The following ASCC1 variants were observed in gnomAD, a reference collection of about 807,000 sequenced individuals.
ASCC1 encodes ASC-1 complex subunit P50.
A neutral mutation model predicts 46.6 loss-of-function variants in ASCC1; 35 were observed. The ratio of observed to expected loss-of-function variants is 0.75; its 90% CI spans 0.57 to 0.99. The LOEUF (loss-of-function observed/expected upper bound fraction) is 0.99, where lower values mean the gene tolerates loss of function less well. ASCC1 is among the 50% of genes least tolerant of loss of function. ASCC1 has a pLI of 0.00. For synonymous variants in ASCC1, 143 were observed against 146.6 expected (o/e 0.98, Z 0.18); for missense variants, 376 against 428.7 (o/e 0.88, Z 1.09).
At chr10:72,117,511 T>C (rs1843632844) in intron 9 of ASCC1, among the ~76,000 whole-genome samples, 1 of 152,236 alleles carries the variant, frequency 6.6e-6, no homozygotes, top group African/African-American at 2.4e-5. Context: ...CCCCTCATAT[T>C]TTCTCTTTGC....
intron 8 of ASCC1, among the ~76,000 whole-genome samples, chr10:72,132,497 A>G (rs1262146414): frequency 6.6e-6 from 1 of 152,248 alleles, no homozygotes; most frequent in East Asian, 1.9e-4. Flanking sequence ...CCTCTGTGCT[A>G]CGACATTTTG....
chr10:72,112,060 A>G (rs1842978036), intron 9 of ASCC1, among the ~76,000 whole-genome samples: 1 of 152,192 alleles, frequency 6.6e-6, no homozygotes, highest in Non-Finnish European at 1.5e-5. Context: ...GCCATTGTTG[A>G]TACAAAGCCC....
intron 4 of ASCC1, among the ~76,000 whole-genome samples, chr10:72,201,556 A>T (rs1240548347): frequency 1.3e-5 from 2 of 151,726 alleles, no homozygotes; most frequent in Non-Finnish European, 2.9e-5. Context: ...CATGGTGCTA[A>T]GCGCCTGTAG....
intron 7 of ASCC1, among the ~76,000 whole-genome samples, chr10:72,135,081 T>C (rs1846030175): frequency 6.6e-6 from 1 of 152,096 alleles, no homozygotes; most frequent in Non-Finnish European, 1.5e-5. Context: ...TGTGTGTGTT[T>C]TCAATGAGGA....
Position 72,194,872 on chromosome 10 carries a change from A to G in ASCC1, c.489+1939T>C, listed in dbSNP as rs139971656. On this transcript the variant is annotated intron_variant, in intron 5 of 9. Transcript: ENST00000672957. ...ATTCTCCTGCCTCAGCCTCTCAAGT[A>G]GCTAGGATTACAGATATGCGCCACC... 1.0e-3 allele frequency among the ~76,000 whole-genome samples: 157 copies of G among 152,148 alleles called. 3 individuals are homozygous for G. Among genetic ancestry groups the G allele is most frequent in the African/African-American group, 3.2e-3 (131 of 41,514 alleles).
At chr10:72,174,929 T>C (rs1037908088) in intron 5 of ASCC1, among the ~76,000 whole-genome samples, 2 of 152,228 alleles carry the variant, frequency 1.3e-5, no homozygotes, top group Admixed American at 6.5e-5. Flanking sequence ...AAATAGATTA[T>C]GTGTGAGGGA....
rs1202582615 is a variant in ASCC1 at position 72,210,738 on chromosome 10, A to T, written c.206T>A (p.Leu69His). 4 of 1,613,934 alleles carry T rather than the reference A, an allele frequency of 2.5e-6. No homozygotes were observed. The African/African-American group carries it at 5.3e-5, about 22-fold the overall frequency. Residue 69 changes from leucine (L) to histidine (H), a missense_variant, in exon 3 of 10, where the codon CTC becomes CAC. Coordinates refer to ENST00000672957, the MANE Select transcript of ASCC1 (RefSeq NM_001198800.3). ...TGTTGGGGACATGACTCACTTATAG[A>T]GCAAGCTGGGGGCCCTCAAAGTAGA... The part of the protein sequence containing the change: ...FRSTLRAPSL[L>H]YKHIVGKRGD...
Position 72,168,052 on chromosome 10 carries a change from G to A in ASCC1, c.490-6378C>T, listed in dbSNP as rs184728737. Among the ~76,000 whole-genome samples the A allele has an allele frequency of 4.7e-4, 72 of 152,258 alleles. No individual in the cohort carries two copies. The East Asian group carries it at 0.012, about 25-fold the overall frequency. On this transcript the variant is annotated intron_variant, in intron 5 of 9. Coordinates refer to ENST00000672957, the MANE Select transcript of ASCC1 (RefSeq NM_001198800.3). ...AAAAATACAAAAAAACTAGCCGGGC[G>A]TGGTGGCACGCGCCTGTAGTTCCAG...
rs1269823374 is a variant in ASCC1 at position 72,166,627 on chromosome 10, TATC to T, written c.490-4956_490-4954del. 4.6e-5 allele frequency among the ~76,000 whole-genome samples: 7 copies of T among 151,944 alleles called. No homozygotes were observed. The South Asian group carries it at 1.2e-3, about 27-fold the overall frequency. ...AATTTAAAACTTGTGCTTCAACAGA[TATC>T]ATCAAGAAAATGAAAAGATAAGCCA... On this transcript the variant is annotated intron_variant, in intron 5 of 9. Transcript: ENST00000672957.
chr10:72,116,263 T>C (rs995010977), intron 9 of ASCC1, among the ~76,000 whole-genome samples: 6 of 152,244 alleles, frequency 3.9e-5, no homozygotes, highest in South Asian at 2.1e-4. Flanking sequence ...AAGAAAAGCA[T>C]TCTTTGGCTG....
intron 7 of ASCC1, among the ~76,000 whole-genome samples, chr10:72,143,147 C>A (rs1422504605): frequency 7.6e-6 from 1 of 131,280 alleles, no homozygotes; most frequent in Admixed American, 9.0e-5. Context: ...GGTGACAGAG[C>A]GAGACTCCGT....
intron 6 of ASCC1, among the ~76,000 whole-genome samples, chr10:72,160,883 A>C (rs1164010593): frequency 2.0e-5 from 3 of 151,662 alleles, no homozygotes; most frequent in African/African-American, 7.3e-5. Flanking sequence ...AGAGATCAAG[A>C]CCATCCTGGC....
At chr10:72,109,163 C>A (rs917439231) in intron 9 of ASCC1, among the ~76,000 whole-genome samples, 1 of 152,118 alleles carries the variant, frequency 6.6e-6, no homozygotes, top group South Asian at 2.1e-4. Flanking sequence ...CCTGGGGCAC[C>A]TCAGATCCAA....
chr10:72,127,711 C>A (rs1451032426), intron 9 of ASCC1, among the ~76,000 whole-genome samples: 1 of 121,848 alleles, frequency 8.2e-6, no homozygotes, highest in Non-Finnish European at 1.6e-5. Flanking sequence ...CAATTTCAGG[C>A]AGGGTGCAGA....
intron 7 of ASCC1, among the ~76,000 whole-genome samples, chr10:72,142,966 C>T (rs539148862): frequency 1.5e-4 from 22 of 151,612 alleles, no homozygotes; most frequent in Non-Finnish European, 2.8e-4. Context: ...TCTAGACCAT[C>T]CTGGCTAACA....
At chr10:72,165,808 C>T (rs924618890) in intron 5 of ASCC1, among the ~76,000 whole-genome samples, 2 of 152,192 alleles carry the variant, frequency 1.3e-5, no homozygotes, top group Middle Eastern at 3.2e-3. Context: ...TAACCCATGG[C>T]CTGCCACATT....
At position 72,214,080 on chromosome 10, in the gene ASCC1, T is replaced by TCAC. The variant is rs567515574; in HGVS notation, c.-33-750_-33-749insGTG. Among the ~76,000 whole-genome samples the TCAC allele has an allele frequency of 1.8e-4, 27 of 151,498 alleles. No homozygotes were observed. In the East Asian group the frequency reaches 5.1e-3, roughly 28 times the overall value. ...AAGAGAAAGAGAAAAGGGCCAGGCA[T>TCAC]GGTGGCTTACACCTGTACTCCCAGC... is the stretch of plus-strand genomic sequence containing the variant. On this transcript the variant is annotated intron_variant, in intron 1 of 9. Transcript: ENST00000672957.
chr10:72,196,731 A>G (rs1386567517), intron 5 of ASCC1, 80 bp downstream of exon 5: 2 of 1,381,740 alleles, frequency 1.4e-6, no homozygotes, highest in East Asian at 2.5e-5. Context: ...ATAACTCCCT[A>G]CTGTTTGATT....
chr10:72,160,897 A>C (rs375528159), intron 6 of ASCC1, among the ~76,000 whole-genome samples: 376 of 151,726 alleles, frequency 2.5e-3, no homozygotes, highest in South Asian at 0.012. Context: ...TCCTGGCTAA[A>C]ATGGTGAAAC....
Sources: allele counts gnomAD v4.1 joint callset (sites outside exome capture counted in the v4.1 genomes callset), GRCh38; gene constraint gnomAD v4.1.1; transcripts MANE v1.5; gene names NCBI Gene and HGNC (gene_info 2026-07-23, HGNC 2026-07-21).